The following TTC28 variants were observed in gnomAD, a reference collection of about 807,000 sequenced individuals.
The protein encoded by TTC28 is tetratricopeptide repeat domain 28, also known as tetratricopeptide repeat protein 28.
In TTC28, 61 loss-of-function variants were observed where a neutral mutation model predicts 198.0. The observed-to-expected ratio is 0.31, with a 90% CI of 0.25 to 0.38. The LOEUF is 0.38. Ranked by LOEUF, TTC28 falls within the 10% of genes least tolerant of loss-of-function variation. The pLI is 1.00. For synonymous variants in TTC28, 1,171 were observed against 1,297.8 expected (o/e 0.90, Z 2.10); for missense variants, 2,678 against 3,164.0 (o/e 0.85, Z 3.69).
At position 28,629,608 on chromosome 22, in the gene TTC28, C is replaced by A. The variant is rs2051137982; in HGVS notation, c.325G>T (p.Asp109Tyr). 6.4e-7 allele frequency: 1 copy of A among 1,551,568 alleles called. No homozygotes were observed. The highest frequency in any genetic ancestry group is 2.0e-5 in the Admixed American group (1 of 50,976). Residue 109 changes from aspartate to tyrosine, a missense_variant, in exon 2 of 23, where the codon GAC becomes TAC. This residue lies in a region of TTC28 where 176 missense variants were observed against 197.9 expected (regional missense o/e 0.89). Transcript: ENST00000397906. ...TTGATTGCATCATCCAGTGCCTTGT[C>A]ATACTGCTGGATTTTCATGTAGGCT... is the stretch of plus-strand genomic sequence containing the variant. ...SAAYMKIQQY[D>Y]KALDDAIKAR...
At chr22:28,109,444 T>C (rs1049981789) in intron 6 of TTC28, among the ~76,000 whole-genome samples, 1 of 152,226 alleles carries the variant, frequency 6.6e-6, no homozygotes, top group African/African-American at 2.4e-5. Flanking sequence ...ACAAAAATAG[T>C]TGCCTTGTTA....
chr22:28,452,389 C>CAA (rs71194768), intron 2 of TTC28, among the ~76,000 whole-genome samples: 1,060 of 43,246 alleles, frequency 0.025, 176 homozygotes, highest in African/African-American at 0.042. Context: ...GATTCCATCT[C>CAA]AAAAAAAAAA....
intron 2 of TTC28, among the ~76,000 whole-genome samples, chr22:28,337,205 T>C (rs2045740636): frequency 6.6e-6 from 1 of 152,160 alleles, no homozygotes; most frequent in South Asian, 2.1e-4. Flanking sequence ...GTCTGAGAGA[T>C]AGTTTGTTAT....
chr22:28,578,178 T>C (rs2050180247), intron 2 of TTC28, among the ~76,000 whole-genome samples: 1 of 152,170 alleles, frequency 6.6e-6, no homozygotes, highest in East Asian at 1.9e-4. Context: ...AATAATATCT[T>C]ATAACCCATT....
intron 13 of TTC28, among the ~76,000 whole-genome samples, chr22:28,018,298 T>TGTGTGTGTGTGCGCGCGCGC (rs1938455721): frequency 2.6e-5 from 1 of 38,644 alleles, no homozygotes; most frequent in African/African-American, 1.1e-4. Flanking sequence ...CGCGCGTGTG[T>TGTGTGTGTGTGCGCGCGCGC]GCGCGCGCGG....
intron 2 of TTC28, among the ~76,000 whole-genome samples, chr22:28,549,948 T>C (rs1199615240): frequency 6.6e-6 from 1 of 152,202 alleles, no homozygotes; most frequent in Non-Finnish European, 1.5e-5. Context: ...AGCTTTTAAG[T>C]TTCTTCTGCT....
intron 5 of TTC28, among the ~76,000 whole-genome samples, chr22:28,189,495 A>G (rs527721178): frequency 3.3e-5 from 5 of 152,156 alleles, no homozygotes; most frequent in Admixed American, 3.3e-4. Flanking sequence ...GAAAATGGTG[A>G]GGAAGAAATT....
chr22:28,386,820 T>C (rs2046607608), intron 2 of TTC28, among the ~76,000 whole-genome samples: 1 of 152,118 alleles, frequency 6.6e-6, no homozygotes, highest in Admixed American at 6.6e-5. Flanking sequence ...TAGTTTTTTT[T>C]TGTTTTTTTG....
At chr22:28,019,037 T>A (rs1051930340) in intron 13 of TTC28, among the ~76,000 whole-genome samples, 3 of 152,152 alleles carry the variant, frequency 2.0e-5, no homozygotes, top group African/African-American at 7.2e-5. Context: ...TGCCTAGAGA[T>A]CTGCATAAAG....
intron 2 of TTC28, among the ~76,000 whole-genome samples, chr22:28,314,269 T>C (rs1374988423): frequency 6.6e-6 from 1 of 152,142 alleles, no homozygotes; most frequent in African/African-American, 2.4e-5. Flanking sequence ...ATCAATATTG[T>C]GAAAATGGCC....
rs182192676 is a variant in TTC28, at chr22:28,502,397, T to A, written c.381+127155A>T. Among the ~76,000 whole-genome samples, 8 of 152,046 alleles carry A rather than the reference T, an allele frequency of 5.3e-5. No individual in the cohort carries two copies. The East Asian group carries it at 1.6e-3, about 30-fold the overall frequency. ...GGCTTATGCCTGTAATCCCAGCACT[T>A]TGGGAGGCCGAGGAGGCCGGATCAT... On this transcript the variant is annotated intron_variant, in intron 2 of 22. Coordinates refer to ENST00000397906, the MANE Select transcript of TTC28 (RefSeq NM_001145418.2).
chr22:28,117,220 AG>A (rs1007390988), intron 6 of TTC28, among the ~76,000 whole-genome samples: 3 of 152,232 alleles, frequency 2.0e-5, no homozygotes, highest in Admixed American at 2.0e-4. Flanking sequence ...GTACAGCTAT[AG>A]GAAGACGGAG....
intron 6 of TTC28, among the ~76,000 whole-genome samples, chr22:28,150,491 G>C (rs917387203): frequency 6.6e-6 from 1 of 152,114 alleles, no homozygotes; most frequent in Non-Finnish European, 1.5e-5. Flanking sequence ...TCATTCAAAA[G>C]CAAATTCCTC....
chr22:28,597,738 T>A (rs1207082460), intron 2 of TTC28, among the ~76,000 whole-genome samples: 2 of 152,194 alleles, frequency 1.3e-5, no homozygotes, highest in African/African-American at 2.4e-5. Context: ...ATACTATTTT[T>A]AAAAACTTAA....
intron 2 of TTC28, among the ~76,000 whole-genome samples, chr22:28,600,290 C>T (rs1033719639): frequency 2.6e-5 from 4 of 151,822 alleles, no homozygotes; most frequent in Non-Finnish European, 5.9e-5. Context: ...CTGTAGTCCC[C>T]GCTACCTAAG....
intron 2 of TTC28, among the ~76,000 whole-genome samples, chr22:28,403,705 G>A (rs541386295): frequency 2.0e-5 from 3 of 152,204 alleles, no homozygotes; most frequent in African/African-American, 4.8e-5. Flanking sequence ...ATCCTGTCTC[G>A]CAAATGCCCA....
At chr22:28,387,332 G>A (rs947814968) in intron 2 of TTC28, among the ~76,000 whole-genome samples, 2 of 152,216 alleles carry the variant, frequency 1.3e-5, no homozygotes, top group African/African-American at 4.8e-5. Flanking sequence ...ATAGCAGCAT[G>A]ATTTATAGTC....
rs1939426803 is a variant in TTC28 at position 28,037,755 on chromosome 22, A to G, written c.3933-7389T>C. Among the ~76,000 whole-genome samples, 4 of 152,234 alleles carry G rather than the reference A, an allele frequency of 2.6e-5. No individual in the cohort carries two copies. The South Asian group carries it at 8.3e-4, about 32-fold the overall frequency. On this transcript the variant is annotated intron_variant, in intron 12 of 22. Transcript: ENST00000397906. ...CCCTGTTTGCAGATGACATGATTGT[A>G]TATCTAGAAAACCCCATCGTCTCAG...
At chr22:28,619,033 C>T (rs761186349) in intron 2 of TTC28, among the ~76,000 whole-genome samples, 22 of 151,896 alleles carry the variant, frequency 1.4e-4, no homozygotes, top group Non-Finnish European at 2.9e-4. Flanking sequence ...ATTTTGGAAT[C>T]AACACATTAA....
Sources: allele counts gnomAD v4.1 joint callset (sites outside exome capture counted in the v4.1 genomes callset), GRCh38; gene constraint gnomAD v4.1.1; regional missense constraint gnomAD v4.1.1; transcripts MANE v1.5; gene names NCBI Gene and HGNC (gene_info 2026-07-23, HGNC 2026-07-21).